Variants in PDE8B observed in about 807,000 individuals in gnomAD.
The protein encoded by PDE8B is phosphodiesterase 8B, also known as high affinity cAMP-specific and IBMX-insensitive 3',5'-cyclic phosphodiesterase 8B.
Under a neutral mutation model 101.3 loss-of-function variants are expected in PDE8B, and 26 were observed. The observed-to-expected ratio is 0.26, with a 90% CI of 0.19 to 0.36. PDE8B has a LOEUF of 0.36. Among genes scored for constraint, PDE8B ranks in the 10% least tolerant of loss-of-function variants. The pLI, the probability that PDE8B is intolerant of heterozygous loss-of-function variation, is 1.00. For missense variants in PDE8B, 810 were observed against 1,163.1 expected (o/e 0.70, Z 4.42); for synonymous variants, 424 against 429.3 (o/e 0.99, Z 0.15).
intron 14 of PDE8B, among the ~76,000 whole-genome samples, chr5:77,409,912 C>T (rs941535518): frequency 6.6e-6 from 1 of 152,252 alleles, no homozygotes; most frequent in African/African-American, 2.4e-5. Flanking sequence ...TTCTTTCTTG[C>T]CCCTGGGCTG....
chr5:77,206,012 A>G (rs1747472941), upstream of PDE8B, among the ~76,000 whole-genome samples: 1 of 152,210 alleles, frequency 6.6e-6, no homozygotes, highest in Non-Finnish European at 1.5e-5. Flanking sequence ...AAAGACTACC[A>G]TGATGTAATC....
chr5:77,352,868 A>G (rs1340261951), intron 9 of PDE8B, among the ~76,000 whole-genome samples: 2 of 152,188 alleles, frequency 1.3e-5, no homozygotes, highest in African/African-American at 2.4e-5. Flanking sequence ...TTGAAATGAG[A>G]GGATTTTTAT....
chr5:77,258,996 A>G (rs773575723), intron 1 of PDE8B, among the ~76,000 whole-genome samples: 153 of 149,112 alleles, frequency 1.0e-3, no homozygotes, highest in Non-Finnish European at 1.9e-3. Context: ...CTCTCATGGA[A>G]TACTTTGGTG....
At chr5:77,389,026 G>A (rs1034960368) in intron 10 of PDE8B, among the ~76,000 whole-genome samples, 5 of 152,098 alleles carry the variant, frequency 3.3e-5, no homozygotes, top group East Asian at 1.9e-4. Flanking sequence ...GGTGGGACCC[G>A]CTGAGCCAGA....
In PDE8B at chr5:77,409,015, T is replaced by G. The variant is rs1226404884; in HGVS notation, c.1488T>G (p.Asp496Glu). 6.2e-7 allele frequency: 1 copy of G among 1,613,818 alleles called. No homozygotes were observed. The highest frequency in any genetic ancestry group is 8.5e-7 in the Non-Finnish European group (1 of 1,179,764). The change falls in exon 14 of 22, where the codon GAT (aspartate) becomes GAG (glutamate). Residue 496 changes from aspartate to glutamate, a missense_variant. Asp to Glu is a conservative substitution (Grantham distance 45). Transcript: ENST00000264917. ...ACTCCCCTCAGCTGGGTACCAAAGA[T>G]GAAGATCCCCACACCAGTGATCTTG... is the stretch of plus-strand genomic sequence containing the variant. ...ELYSPQLGTK[D>E]EDPHTSDLVG...
At chr5:77,225,413 C>T (rs968007226) in intron 1 of PDE8B, among the ~76,000 whole-genome samples, 2 of 152,170 alleles carry the variant, frequency 1.3e-5, no homozygotes, top group African/African-American at 2.4e-5. Flanking sequence ...CTCAGAGTAG[C>T]CACGTTGGCT....
chr5:77,280,605 T>C (rs180921415), intron 1 of PDE8B, among the ~76,000 whole-genome samples: 1 of 152,248 alleles, frequency 6.6e-6, no homozygotes, highest in African/African-American at 2.4e-5. Context: ...GGGTAGCAGT[T>C]CACAGACTGG....
At chr5:77,135,122 C>T in the PDE8B span, among the ~76,000 whole-genome samples, 2 of 152,222 alleles carry the variant, frequency 1.3e-5, no homozygotes, top group African/African-American at 4.8e-5. Flanking sequence ...GCCTTTGCCT[C>T]AGACACTAAC....
chr5:77,222,826 G>C (rs1036806049), intron 1 of PDE8B, among the ~76,000 whole-genome samples: 19 of 152,274 alleles, frequency 1.2e-4, no homozygotes, highest in Admixed American at 1.2e-3. Context: ...ACAACTGTAC[G>C]GCCACAGGCA....
intron 1 of PDE8B, among the ~76,000 whole-genome samples, chr5:77,296,697 A>G (rs1392835452): frequency 6.6e-6 from 1 of 152,196 alleles, no homozygotes. Flanking sequence ...ATGATCATAT[A>G]TTGACTCTTA....
intron 1 of PDE8B, among the ~76,000 whole-genome samples, chr5:77,265,692 A>G (rs1028630756): frequency 4.6e-5 from 7 of 152,204 alleles, no homozygotes; most frequent in Non-Finnish European, 8.8e-5. Flanking sequence ...GCTCTTGACC[A>G]TCTGGGGTTA....
Position 77,214,635 on chromosome 5 carries a change from T to C in PDE8B, c.339+3371T>C, listed in dbSNP as rs545986867. 1.1e-3 allele frequency among the ~76,000 whole-genome samples: 170 copies of C among 152,344 alleles called. 5 individuals are homozygous for C. In the South Asian group the frequency reaches 0.034, roughly 30 times the overall value. On this transcript the variant is annotated intron_variant, in intron 1 of 21. Transcript: ENST00000264917. ...TATATAAAAGGAAAATAAATAGATA[T>C]TCCACTGACCTTATGGTAAATAATA...
intron 1 of PDE8B, chr5:77,291,750 A>G (rs1767402985): frequency 6.3e-7 from 1 of 1,585,234 alleles, no homozygotes. Context: ...GTCTACTTGT[A>G]CTATCAACTA....
the PDE8B span, among the ~76,000 whole-genome samples, chr5:77,117,164 A>G: frequency 4.6e-5 from 7 of 152,170 alleles, no homozygotes; most frequent in Admixed American, 2.6e-4. Flanking sequence ...GGGCGGGTAG[A>G]GGTTGGAATG....
chr5:77,230,166 G>A (rs1359463700), intron 1 of PDE8B, among the ~76,000 whole-genome samples: 1 of 152,114 alleles, frequency 6.6e-6, no homozygotes, highest in African/African-American at 2.4e-5. Context: ...GGTTTGATTT[G>A]CATTTCCCTG....
At chr5:77,366,640 T>C (rs1000229248) in intron 10 of PDE8B, among the ~76,000 whole-genome samples, 3 of 151,916 alleles carry the variant, frequency 2.0e-5, no homozygotes, top group Non-Finnish European at 4.4e-5. Flanking sequence ...GCCTCGTGGG[T>C]GTGTGGGGGT....
rs576161372 is a variant in PDE8B at position 77,312,015 on chromosome 5, C to T, written c.361C>T (p.Arg121Cys). ...SVKQVSSAEV[R>C]IGPMRLTQDP... ...TTAGCAGGTGTCTTCTGCGGAGGTG[C>T]GCATCGGGCCCATGAGACTGACGCA... Residue 121 changes from arginine to cysteine, a missense_variant, in exon 2 of 22, where the codon CGC becomes TGC. Arg to Cys is a radical substitution (Grantham distance 180). Around this residue, in one of 4 missense-constraint regions of PDE8B, gnomAD observed 251 missense variants for 378.8 expected, o/e 0.66. Coordinates refer to ENST00000264917, the MANE Select transcript of PDE8B (RefSeq NM_003719.5). The T allele has an allele frequency of 6.5e-5, 105 of 1,613,380 alleles. No individual in the cohort carries two copies. The South Asian group carries it at 8.2e-4, about 13-fold the overall frequency.
At chr5:77,265,595 A>G (rs929495123) in intron 1 of PDE8B, among the ~76,000 whole-genome samples, 5 of 152,164 alleles carry the variant, frequency 3.3e-5, no homozygotes, top group Admixed American at 6.5e-5. Flanking sequence ...AAAGATAACT[A>G]TCTTTTCTCT....
chr5:77,296,064 C>T (rs1430227154), intron 1 of PDE8B, among the ~76,000 whole-genome samples: 6 of 152,184 alleles, frequency 3.9e-5, no homozygotes, highest in South Asian at 2.1e-4. Flanking sequence ...GTCCAAGTCA[C>T]GTGACTACTC....
Sources: gnomAD v4.1 joint callset for allele counts (sites outside exome capture counted in the v4.1 genomes callset) on GRCh38, gnomAD v4.1.1 for gene constraint, gnomAD v4.1.1 regional missense constraint, MANE v1.5 for transcripts, NCBI Gene and HGNC (gene_info 2026-07-23, HGNC 2026-07-21) for gene names.